Variants in DMD observed in about 807,000 individuals in gnomAD.
DMD encodes the protein dystrophin.
Under a neutral mutation model 330.1 loss-of-function variants are expected in DMD, and 63 were observed. The ratio of observed to expected loss-of-function variants is 0.19; its 90% CI spans 0.16 to 0.24. The LOEUF is 0.24. Ranked by LOEUF, DMD falls within the 10% of genes least tolerant of loss-of-function variation. DMD has a pLI of 1.00. For missense variants in DMD, 3,344 were observed against 2,684.1 expected (o/e 1.25, Z -5.43); for synonymous variants, 1,223 against 959.8 (o/e 1.27, Z -5.07).
In DMD at chrX:31,778,565, A is replaced by ATTTTT. The variant is rs36164865; in HGVS notation, c.7310-4378_7310-4374dup. ...AGGACAGAAGTTTTGAAGTCCTGAA[A>ATTTTT]TTTTTTTTTTTTTTTTTTTTTTTTG... is the stretch of plus-strand genomic sequence containing the variant. On this transcript the variant is annotated intron_variant, in intron 50 of 78. Transcript: ENST00000357033. Among the ~76,000 whole-genome samples the ATTTTT allele has an allele frequency of 7.2e-3, 454 of 62,984 alleles. 8 individuals are homozygous for ATTTTT. Among genetic ancestry groups the ATTTTT allele is most frequent in the East Asian group, 0.016 (28 of 1,724 alleles). The allele number at this position is 62,984 out of a possible 115,157, so 54.7% of individuals were successfully genotyped here. A position where few individuals can be genotyped will look rare whatever the true frequency, so the allele number is the denominator to read the frequency against.
intron 49 of DMD, among the ~76,000 whole-genome samples, chrX:31,829,479 C>T: frequency 9.1e-6 from 1 of 110,256 alleles, no homozygotes; most frequent in Admixed American, 9.7e-5. Context: ...AATTAAGTTT[C>T]CTAAGGTAGC....
chrX:31,369,375 T>C (rs1025901457), intron 60 of DMD, among the ~76,000 whole-genome samples: 3 of 112,309 alleles, frequency 2.7e-5, no homozygotes, highest in Admixed American at 9.4e-5. Context: ...AATTAGAGGC[T>C]ATGTAGCATT....
intron 34 of DMD, among the ~76,000 whole-genome samples, chrX:32,374,194 C>A (rs1011658419): frequency 4.5e-5 from 5 of 110,733 alleles, no homozygotes; most frequent in African/African-American, 1.6e-4. Context: ...CTTATAGATT[C>A]TGGATATTAT....
chrX:32,737,596 A>T (rs1204412395), intron 7 of DMD, among the ~76,000 whole-genome samples: 3 of 111,763 alleles, frequency 2.7e-5, no homozygotes, highest in Non-Finnish European at 3.8e-5. Flanking sequence ...GATGCATTGG[A>T]AACTTGGAAA....
At chrX:33,225,152 A>C (rs1280056362) in intron 1 of DMD, among the ~76,000 whole-genome samples, 1 of 111,822 alleles carries the variant, frequency 8.9e-6, no homozygotes, top group Admixed American at 9.6e-5. Context: ...CACAATTTTT[A>C]TCAAAATCTC....
chrX:31,449,763 G>GATATAT (rs59787771), intron 59 of DMD, among the ~76,000 whole-genome samples: 1,199 of 62,279 alleles, frequency 0.019, 14 homozygotes, highest in Non-Finnish European at 0.03. Context: ...TAAATGGTGT[G>GATATAT]ATATATATAT....
At chrX:32,183,139 C>A (rs942444262) in intron 44 of DMD, among the ~76,000 whole-genome samples, 2 of 111,099 alleles carry the variant, frequency 1.8e-5, no homozygotes, top group Admixed American at 1.9e-4. Flanking sequence ...TTCCTCAAAC[C>A]ATAACATTTT....
At chrX:32,560,195 AAT>A (rs1556797151) in intron 16 of DMD, among the ~76,000 whole-genome samples, 1 of 108,181 alleles carries the variant, frequency 9.2e-6, no homozygotes, top group East Asian at 2.9e-4. Flanking sequence ...TGAAAAAAAA[AAT>A]ATATATATAT....
At chrX:31,152,656 C>T (rs1243912698) in intron 74 of DMD, among the ~76,000 whole-genome samples, 2 of 111,469 alleles carry the variant, frequency 1.8e-5, no homozygotes, top group Non-Finnish European at 3.8e-5. Context: ...ATCTCAGCCT[C>T]CTGAGTAGTT....
chrX:31,733,064 T>C (rs1460476113), intron 51 of DMD, among the ~76,000 whole-genome samples: 1 of 111,141 alleles, frequency 9.0e-6, no homozygotes, highest in Non-Finnish European at 1.9e-5. Flanking sequence ...TACTGGGCTT[T>C]ACTAAAAACT....
intron 26 of DMD, among the ~76,000 whole-genome samples, chrX:32,448,900 G>T (rs1384568186): frequency 1.8e-5 from 2 of 110,800 alleles, no homozygotes; most frequent in Admixed American, 9.6e-5. Context: ...GTATGGATTT[G>T]TGGTCAAATA....
At chrX:32,419,566 A>G (rs1229966618) in intron 29 of DMD, among the ~76,000 whole-genome samples, 2 of 112,414 alleles carry the variant, frequency 1.8e-5, no homozygotes, top group Middle Eastern at 4.2e-3. Context: ...TTAAATATAA[A>G]ATAAAGAAGG....
chrX:33,145,919 G>A (rs902292066), intron 1 of DMD, among the ~76,000 whole-genome samples: 1 of 109,279 alleles, frequency 9.2e-6, no homozygotes, highest in Non-Finnish European at 1.9e-5. Flanking sequence ...ACAGAGTCTC[G>A]CTCTGTCGCC....
intron 2 of DMD, among the ~76,000 whole-genome samples, chrX:32,966,437 A>G (rs943380588): frequency 9.0e-6 from 1 of 111,691 alleles, no homozygotes; most frequent in African/African-American, 3.3e-5. Context: ...AGCCATTTTC[A>G]TGTCAAATGT....
At chrX:32,657,684 A>G (rs11095236) in intron 9 of DMD, among the ~76,000 whole-genome samples, 8,305 of 111,950 alleles carry the variant, frequency 0.074, 738 homozygotes, top group African/African-American at 0.26. Flanking sequence ...TTTGGTTGGA[A>G]TTCATATGAG....
At chrX:31,126,586 TAAA>T in intron 78 of DMD, 53 bp downstream of exon 78, 2 of 1,092,790 alleles carry the variant, frequency 1.8e-6, no homozygotes, top group Non-Finnish European at 2.5e-6. Context: ...ACGCCAAACA[TAAA>T]AAGCAGGATG....
intron 1 of DMD, among the ~76,000 whole-genome samples, chrX:33,241,686 C>T (rs977515057): frequency 8.9e-6 from 1 of 111,880 alleles, no homozygotes; most frequent in African/African-American, 3.3e-5. Context: ...TTATTTGTGG[C>T]TTCTTCAATT....
intron 2 of DMD, among the ~76,000 whole-genome samples, chrX:32,983,704 A>C (rs1211778082): frequency 1.8e-5 from 2 of 111,629 alleles, no homozygotes; most frequent in Non-Finnish European, 3.8e-5. Flanking sequence ...TGTACATAGG[A>C]TATCCGTATT....
intron 44 of DMD, among the ~76,000 whole-genome samples, chrX:32,216,704 G>A (rs1330803657): frequency 1.2e-4 from 13 of 111,011 alleles, no homozygotes; most frequent in Non-Finnish European, 1.9e-5. Flanking sequence ...AACCAGCTCC[G>A]TCCAGGCAAA....
Sources: gnomAD v4.1 joint callset for allele counts (sites outside exome capture counted in the v4.1 genomes callset) on GRCh38, gnomAD v4.1.1 for gene constraint, MANE v1.5 for transcripts, NCBI Gene and HGNC (gene_info 2026-07-23, HGNC 2026-07-21) for gene names.